The following CCDC175 variants were observed in gnomAD, a reference collection of about 807,000 sequenced individuals.
CCDC175 encodes the protein coiled-coil domain containing 175, also known as coiled-coil domain-containing protein 175.
CCDC175 carries 100 observed loss-of-function variants against 114.6 expected under a neutral mutation model. That is an observed-to-expected ratio of 0.87 (90% CI 0.74 to 1.03). CCDC175 has a LOEUF of 1.03. Ranked by LOEUF, CCDC175 falls within the 50% of genes least tolerant of loss-of-function variation. CCDC175 has a pLI of 0.00. For missense variants in CCDC175, 880 were observed against 917.8 expected, an observed-to-expected ratio of 0.96 and a Z score of 0.53; for synonymous variants, 306 against 308.7, an observed-to-expected ratio of 0.99 and a Z score of 0.09.
In CCDC175 at chr14:59,551,335, C is replaced by T. The variant is rs1895464180; in HGVS notation, c.1035+20G>A. The stretch of plus-strand genomic sequence containing the variant: ...TGAAATGTAATTATAATGTAAAAGT[C>T]ATGACTTCTGCCTTCTTACCTGTTT... On this transcript the variant is annotated intron_variant, in intron 8 of 19. Coordinates refer to ENST00000537690, the MANE Select transcript of CCDC175 (RefSeq NM_001164399.2). 1 of 1,113,260 alleles carries T rather than the reference C, an allele frequency of 9.0e-7. No individual in the cohort carries two copies. The highest frequency in any genetic ancestry group is 3.2e-5 in the Admixed American group (1 of 31,306). 69.0% of individuals were successfully genotyped at this position (1,113,260 alleles called of 1,614,324 possible).
chr14:59,526,581 A>T (rs912280285), intron 15 of CCDC175, among the ~76,000 whole-genome samples: 1 of 151,842 alleles, frequency 6.6e-6, no homozygotes, highest in Admixed American at 6.6e-5. Context: ...TTACATTTTG[A>T]TATCAATGCA....
intron 8 of CCDC175, among the ~76,000 whole-genome samples, chr14:59,550,686 C>A (rs1329644180): frequency 6.6e-6 from 1 of 152,136 alleles, no homozygotes; most frequent in Admixed American, 6.5e-5. Context: ...AACCTGGAAT[C>A]TGGTGTTCGA....
chr14:59,575,176 T>C (rs1897039819), intron 1 of CCDC175, 148 bp from the exon 2 acceptor site: 1 of 496,134 alleles, frequency 2.0e-6, no homozygotes, highest in South Asian at 3.8e-5. Context: ...ATCTCTTTTG[T>C]ACTTATTTCC....
At chr14:59,560,601 A>G (rs1341988894) in intron 7 of CCDC175, among the ~76,000 whole-genome samples, 1 of 152,202 alleles carries the variant, frequency 6.6e-6, no homozygotes, top group East Asian at 1.9e-4. Flanking sequence ...AGAGAGGAGT[A>G]AAACACTTCC....
chr14:59,520,274 G>C (rs1893348133), intron 17 of CCDC175, among the ~76,000 whole-genome samples: 1 of 152,104 alleles, frequency 6.6e-6, no homozygotes, highest in South Asian at 2.1e-4. Context: ...CTATTAAAAT[G>C]ACCAAAATAT....
intron 16 of CCDC175, among the ~76,000 whole-genome samples, chr14:59,523,242 TG>T (rs1394965753): frequency 6.6e-6 from 1 of 152,212 alleles, no homozygotes; most frequent in Non-Finnish European, 1.5e-5. Flanking sequence ...ATTGCATGTG[TG>T]AGGGTTATCA....
intron 17 of CCDC175, among the ~76,000 whole-genome samples, chr14:59,520,816 T>C (rs1893389694): frequency 6.6e-6 from 1 of 152,152 alleles, no homozygotes; most frequent in South Asian, 2.1e-4. Flanking sequence ...ATCAATGGTT[T>C]CCAGGAACTA....
intron 7 of CCDC175, among the ~76,000 whole-genome samples, chr14:59,554,838 C>T (rs1228520289): frequency 6.6e-6 from 1 of 152,108 alleles, no homozygotes; most frequent in African/African-American, 2.4e-5. Context: ...CTATAAACAC[C>T]TCTACGCAAA....
At chr14:59,576,008 C>T (rs1454038595) in intron 1 of CCDC175, among the ~76,000 whole-genome samples, 2 of 152,144 alleles carry the variant, frequency 1.3e-5, no homozygotes, top group African/African-American at 4.8e-5. Context: ...ACGGTTTTTG[C>T]ACCGAACAAG....
At chr14:59,553,664 A>G (rs1414971441) in intron 7 of CCDC175, among the ~76,000 whole-genome samples, 2 of 152,210 alleles carry the variant, frequency 1.3e-5, no homozygotes, top group African/African-American at 4.8e-5. Flanking sequence ...AAAGACACAG[A>G]CTGGCAAATT....
At chr14:59,521,484 T>C in intron 17 of CCDC175, 90 bp downstream of exon 17, 1 of 709,570 alleles carries the variant, frequency 1.4e-6, no homozygotes, top group Admixed American at 2.7e-5. Flanking sequence ...CAGTTCTCCT[T>C]AATAAGCTCC....
intron 5 of CCDC175, among the ~76,000 whole-genome samples, chr14:59,564,094 A>C (rs192324002): frequency 5.3e-5 from 8 of 152,324 alleles, no homozygotes; most frequent in Admixed American, 1.3e-4. Flanking sequence ...TGAAATAGTA[A>C]ATTTGTAAGA....
At chr14:59,559,674 CTAAG>C (rs1896121656) in intron 7 of CCDC175, among the ~76,000 whole-genome samples, 1 of 151,996 alleles carries the variant, frequency 6.6e-6, no homozygotes, top group Non-Finnish European at 1.5e-5. Flanking sequence ...GAGGAAACAG[CTAAG>C]GAAGAAAATA....
chr14:59,531,159 G>T (rs914607478), intron 14 of CCDC175, among the ~76,000 whole-genome samples: 1 of 151,876 alleles, frequency 6.6e-6, no homozygotes, highest in Non-Finnish European at 1.5e-5. Flanking sequence ...ATAAACTTTG[G>T]ACCTTGGGCA....
Position 59,568,260 on chromosome 14 carries a change from T to A in CCDC175, c.476A>T (p.Tyr159Phe). 1 of 1,530,708 alleles carries A rather than the reference T, an allele frequency of 6.5e-7. No homozygotes were observed. The highest frequency in any genetic ancestry group is 2.5e-5 in the East Asian group (1 of 40,776). 94.8% of individuals were successfully genotyped at this position (1,530,708 alleles called of 1,614,324 possible). The change falls in exon 4 of 20, where the codon TAT becomes TTT. Residue 159 changes from tyrosine (Y) to phenylalanine (F), a missense_variant. Transcript: ENST00000537690. ...GAATACCTACCCCAGAGCTTCATTA[T>A]ATTTTGTCAGGTCAGTTATTTTCTT... ...LKKKITDLTK[Y>F]NEALGEKQEE...
At position 59,518,277 on chromosome 14, in the gene CCDC175, T is replaced by C. The variant is rs891761367; in HGVS notation, c.2098+3297A>G. Among the ~76,000 whole-genome samples, 10 of 152,240 alleles carry C rather than the reference T, an allele frequency of 6.6e-5. No individual in the cohort carries two copies. The East Asian group carries it at 7.7e-4, about 12-fold the overall frequency. ...TAGGCATGGGCAAGGACTTCATGTC[T>C]AAAACACCAAAAGCAATGGCAACAA... is the stretch of plus-strand genomic sequence containing the variant. On this transcript the variant is annotated intron_variant, in intron 17 of 19. Transcript: ENST00000537690.
In CCDC175 at chr14:59,574,975, G is replaced by T; in HGVS notation, c.211C>A (p.Leu71Ile). 6.6e-7 allele frequency: 1 copy of T among 1,515,886 alleles called. No individual in the cohort carries two copies. The highest frequency in any genetic ancestry group is 1.4e-5 in the African/African-American group (1 of 72,258). The allele number at this position is 1,515,886 out of a possible 1,614,324, so 93.9% of individuals were successfully genotyped here. ...TTAACAGCTACAGCAATGTCCTTAA[G>T]AAAGATCTTAGCTTCTTCATTACAT... ...FKCNEEAKIF[L>I]KDIAVAVKKL... Residue 71 changes from leucine (L) to isoleucine (I), a missense_variant, in exon 2 of 20, where the codon CTT becomes ATT. Leu to Ile is a conservative substitution (Grantham distance 5). Transcript: ENST00000537690.
chr14:59,537,524 C>T (rs564640208), intron 13 of CCDC175, among the ~76,000 whole-genome samples: 8 of 152,306 alleles, frequency 5.3e-5, no homozygotes, highest in African/African-American at 1.4e-4. Context: ...GTAATATCAT[C>T]GCCTTGGGAA....
At chr14:59,539,967 T>C (rs1454591007) in intron 11 of CCDC175, among the ~76,000 whole-genome samples, 1 of 151,464 alleles carries the variant, frequency 6.6e-6, no homozygotes, top group East Asian at 2.0e-4. Context: ...GCTAATCTGG[T>C]GGCTGAGGCA....
Sources: gnomAD v4.1 joint callset for allele counts (sites outside exome capture counted in the v4.1 genomes callset) on GRCh38, gnomAD v4.1.1 for gene constraint, MANE v1.5 for transcripts, NCBI Gene and HGNC (gene_info 2026-07-23, HGNC 2026-07-21) for gene names.